The following UST variants were observed in gnomAD, a reference collection of about 807,000 sequenced individuals.
The protein encoded by UST is chondroitin sulfate 2-O-sulfotransferase.
A neutral mutation model predicts 45.6 loss-of-function variants in UST; 21 were observed. The observed-to-expected ratio is 0.46, with a 90% CI of 0.33 to 0.66. The LOEUF is 0.66. Among genes scored for constraint, UST ranks in the 30% least tolerant of loss-of-function variants. The pLI is 0.02. For missense variants in UST, 463 were observed against 512.4 expected (o/e 0.90, Z 0.93); for synonymous variants, 215 against 200.6 (o/e 1.07, Z -0.61).
chr6:148,917,745 G>A (rs576396397), intron 2 of UST, among the ~76,000 whole-genome samples: 4 of 152,164 alleles, frequency 2.6e-5, no homozygotes, highest in Non-Finnish European at 5.9e-5. Context: ...ATCTCCCACA[G>A]GGGATGTGAC....
intron 2 of UST, among the ~76,000 whole-genome samples, chr6:148,909,859 T>C (rs935285725): frequency 1.3e-5 from 2 of 152,240 alleles, no homozygotes; most frequent in African/African-American, 2.4e-5. Flanking sequence ...AAATGACTGC[T>C]AAATAGGCAA....
intron 5 of UST, among the ~76,000 whole-genome samples, chr6:148,966,512 A>G (rs546578784): frequency 6.6e-6 from 1 of 152,320 alleles, no homozygotes; most frequent in South Asian, 2.1e-4. Context: ...CAAAAAACCA[A>G]CAATACAGAA....
chr6:148,914,747 A>T (rs1286182057), intron 2 of UST, among the ~76,000 whole-genome samples: 1 of 152,232 alleles, frequency 6.6e-6, no homozygotes, highest in African/African-American at 2.4e-5. Context: ...CAGGCCACGG[A>T]CCAGTACCAG....
intron 1 of UST, among the ~76,000 whole-genome samples, chr6:148,763,290 G>A (rs991079749): frequency 1.1e-4 from 17 of 152,026 alleles, no homozygotes; most frequent in Admixed American, 9.8e-4. Flanking sequence ...ATTTTTGTGG[G>A]CTGCTTGTAT....
In UST at chr6:148,980,810, C is replaced by T. The variant is rs1116526; in HGVS notation, c.681+16247C>T. The stretch of plus-strand genomic sequence containing the variant: ...TCTCAGCTCGCTGCAGCCTCTACCT[C>T]CCAGGTTCAAACCATCCTCCTCCCT... On this transcript the variant is annotated intron_variant, in intron 5 of 7. Transcript: ENST00000367463. 6.6e-5 allele frequency among the ~76,000 whole-genome samples: 10 copies of T among 152,246 alleles called. 2 individuals carry two copies. The highest frequency in any genetic ancestry group is 3.9e-4 in the East Asian group (2 of 5,186).
At chr6:148,929,435 G>A (rs1779881044) in intron 2 of UST, among the ~76,000 whole-genome samples, 1 of 152,216 alleles carries the variant, frequency 6.6e-6, no homozygotes, top group African/African-American at 2.4e-5. Context: ...ACCCAGGAAA[G>A]ATAGTCTCTT....
At chr6:149,061,137 G>T (rs1230368576) in intron 7 of UST, among the ~76,000 whole-genome samples, 1 of 152,112 alleles carries the variant, frequency 6.6e-6, no homozygotes. Flanking sequence ...CATCTCGGAG[G>T]TCATAAAGCG....
chr6:148,779,945 T>C (rs1213174282), intron 1 of UST, among the ~76,000 whole-genome samples: 3 of 152,138 alleles, frequency 2.0e-5, no homozygotes, highest in Non-Finnish European at 4.4e-5. Flanking sequence ...AGAAAGACTT[T>C]GTGATATTTA....
intron 7 of UST, among the ~76,000 whole-genome samples, chr6:149,053,583 C>T (rs961444382): frequency 6.6e-6 from 1 of 152,216 alleles, no homozygotes; most frequent in African/African-American, 2.4e-5. Flanking sequence ...CTAATGTCAA[C>T]TGACTTCAAC....
intron 3 of UST, among the ~76,000 whole-genome samples, chr6:148,944,524 C>CACAT (rs1780195223): frequency 6.6e-6 from 1 of 151,626 alleles, no homozygotes; most frequent in Non-Finnish European, 1.5e-5. Flanking sequence ...CACACACACA[C>CACAT]ACACACACAC....
chr6:148,994,173 T>C (rs748679399), intron 5 of UST, among the ~76,000 whole-genome samples: 7 of 151,984 alleles, frequency 4.6e-5, no homozygotes, highest in Non-Finnish European at 7.4e-5. Flanking sequence ...GGTTTTGCCA[T>C]GTTGGCCAAG....
At chr6:148,768,996 G>A (rs1000085951) in intron 1 of UST, among the ~76,000 whole-genome samples, 6 of 152,230 alleles carry the variant, frequency 3.9e-5, no homozygotes, top group Non-Finnish European at 5.9e-5. Context: ...AGGCAGACAT[G>A]GCCACTGTCC....
intron 2 of UST, among the ~76,000 whole-genome samples, chr6:148,897,556 A>G (rs1003169802): frequency 1.3e-5 from 2 of 151,560 alleles, no homozygotes; most frequent in South Asian, 2.1e-4. Context: ...CAGTGGCACA[A>G]TCATAGCTCA....
chr6:148,771,252 T>G (rs1305096896), intron 1 of UST, among the ~76,000 whole-genome samples: 1 of 152,250 alleles, frequency 6.6e-6, no homozygotes, highest in African/African-American at 2.4e-5. Context: ...TGGAAATGAC[T>G]CTTTATTGAG....
At chr6:148,951,574 C>T (rs1197181085) in intron 3 of UST, among the ~76,000 whole-genome samples, 1 of 152,122 alleles carries the variant, frequency 6.6e-6, no homozygotes, top group Non-Finnish European at 1.5e-5. Flanking sequence ...CCCCTGATGC[C>T]TCTCCTGCAA....
chr6:149,039,732 A>T (rs916976905), intron 7 of UST, among the ~76,000 whole-genome samples: 3 of 152,236 alleles, frequency 2.0e-5, no homozygotes, highest in African/African-American at 7.2e-5. Flanking sequence ...AAGGGCCACA[A>T]CTGAGCAGCG....
intron 5 of UST, among the ~76,000 whole-genome samples, chr6:148,966,770 T>C (rs1363576279): frequency 6.6e-6 from 1 of 152,346 alleles, no homozygotes; most frequent in Middle Eastern, 3.4e-3. Context: ...ACAGTCTTGC[T>C]CTGTTGCCCA....
At chr6:148,846,840 A>G (rs890997838) in intron 1 of UST, among the ~76,000 whole-genome samples, 5 of 152,248 alleles carry the variant, frequency 3.3e-5, no homozygotes, top group Admixed American at 1.3e-4. Context: ...TGGGGCATGC[A>G]GGTAGTTTTA....
intron 1 of UST, among the ~76,000 whole-genome samples, chr6:148,825,691 G>A (rs183072732): frequency 6.6e-5 from 10 of 152,306 alleles, no homozygotes; most frequent in Non-Finnish European, 1.3e-4. Flanking sequence ...ATTGCCATGA[G>A]CTCAACAGAA....
Sources: allele counts gnomAD v4.1 joint callset (sites outside exome capture counted in the v4.1 genomes callset), GRCh38; gene constraint gnomAD v4.1.1; transcripts MANE v1.5; gene names NCBI Gene and HGNC (gene_info 2026-07-23, HGNC 2026-07-21).